The following FLVCR2 variants were observed in gnomAD, a reference collection of about 807,000 sequenced individuals.
FLVCR2 encodes FLVCR choline and putative heme transporter 2.
FLVCR2 carries 38 observed loss-of-function variants against 48.9 expected under a neutral mutation model. The observed-to-expected ratio is 0.78, with a 90% CI of 0.60 to 1.02. FLVCR2 has a LOEUF of 1.02. Among genes scored for constraint, FLVCR2 ranks in the 50% least tolerant of loss-of-function variants. FLVCR2 has a pLI of 0.00. For missense variants in FLVCR2, 664 were observed against 663.3 expected, an observed-to-expected ratio of 1.00 and a Z score of -0.01; for synonymous variants, 255 against 257.0, an observed-to-expected ratio of 0.99 and a Z score of 0.07.
intron 1 of FLVCR2, among the ~76,000 whole-genome samples, chr14:75,588,668 A>G (rs1299500670): frequency 6.6e-6 from 1 of 152,100 alleles, no homozygotes; most frequent in Admixed American, 6.6e-5. Context: ...TAGGAGAGAT[A>G]GGGTTTCACC....
At chr14:75,612,566 C>A (rs1049694286) in intron 1 of FLVCR2, among the ~76,000 whole-genome samples, 1 of 152,176 alleles carries the variant, frequency 6.6e-6, no homozygotes, top group Non-Finnish European at 1.5e-5. Flanking sequence ...TTGACCTTTT[C>A]AAAAGAAGCC....
chr14:75,631,640 T>C, intron 3 of FLVCR2: 1 of 395,822 alleles, frequency 2.5e-6, no homozygotes, highest in Non-Finnish European at 5.0e-6. Context: ...GTTGGAACAT[T>C]CCTTGCCCTT....
intron 1 of FLVCR2, chr14:75,604,173 G>A (rs1346780757): frequency 1.3e-5 from 2 of 152,160 alleles, no homozygotes; most frequent in South Asian, 2.1e-4. Flanking sequence ...GAATACTGTC[G>A]TCTACGGCCA....
chr14:75,602,562 TG>T (rs144966010), intron 1 of FLVCR2, among the ~76,000 whole-genome samples: 2,052 of 152,284 alleles, frequency 0.013, 43 homozygotes, highest in African/African-American at 0.047. Flanking sequence ...CAAGGATTTT[TG>T]TAGCTCTGTA....
Position 75,578,986 on chromosome 14 carries a change from G to A in FLVCR2, c.14G>A (p.Gly5Asp). Residue 5 changes from glycine (G) to aspartate (D), a missense_variant, in exon 1 of 10, where the codon GGT (glycine) becomes GAT (aspartate). Transcript: ENST00000238667. MVNEGPNQEESDDTP... is the reference protein window; with the variant it reads MVNEDPNQEESDDTP... ...GAGACTGTGGCGATGGTGAATGAAG[G>A]TCCCAACCAGGAAGAGAGCGATGAC... 3 of 1,614,108 alleles carry A rather than the reference G, an allele frequency of 1.9e-6. No individual in the cohort carries two copies. Among genetic ancestry groups the A allele is most frequent in the Non-Finnish European group, 2.5e-6 (3 of 1,179,984 alleles).
chr14:75,591,289 C>T (rs1350280895), intron 1 of FLVCR2, among the ~76,000 whole-genome samples: 1 of 152,214 alleles, frequency 6.6e-6, no homozygotes, highest in African/African-American at 2.4e-5. Context: ...GTGATCCTAC[C>T]ACCTTGGCCT....
intron 5 of FLVCR2, among the ~76,000 whole-genome samples, chr14:75,636,958 G>C (rs1447587061): frequency 6.6e-6 from 1 of 152,250 alleles, no homozygotes; most frequent in Non-Finnish European, 1.5e-5. Flanking sequence ...GCTTTCAGCA[G>C]AGTTGGTAGG....
intron 9 of FLVCR2, 130 bp from the exon 10 acceptor site, chr14:75,646,271 C>T: frequency 1.4e-6 from 1 of 697,306 alleles, no homozygotes; most frequent in Non-Finnish European, 2.6e-6. Flanking sequence ...TCTTTCTTGG[C>T]TCTCTGGGAT....
intron 3 of FLVCR2, chr14:75,632,827 G>T (rs1890078263): frequency 1.4e-6 from 1 of 702,260 alleles, no homozygotes; most frequent in Non-Finnish European, 2.6e-6. Context: ...TCTCTAAAAT[G>T]GTGACGATAA....
chr14:75,625,847 G>A (rs1889888887), intron 3 of FLVCR2, among the ~76,000 whole-genome samples: 1 of 152,078 alleles, frequency 6.6e-6, no homozygotes, highest in East Asian at 1.9e-4. Context: ...CCTATGTGAT[G>A]TTGGTACTAA....
intron 1 of FLVCR2, among the ~76,000 whole-genome samples, chr14:75,585,380 T>C (rs138655175): frequency 5.3e-5 from 8 of 152,176 alleles, no homozygotes; most frequent in Admixed American, 1.3e-4. Context: ...CAAGTTTGTA[T>C]TGGGGCCAAG....
intron 1 of FLVCR2, among the ~76,000 whole-genome samples, chr14:75,590,496 T>TG (rs1888855069): frequency 6.6e-6 from 1 of 152,244 alleles, no homozygotes; most frequent in Non-Finnish European, 1.5e-5. Context: ...TGATATGGTT[T>TG]GGGTCTGTGT....
rs564746565 is a variant in FLVCR2 at position 75,647,802 on chromosome 14, A to C, written c.*1330A>C. On this transcript the variant is annotated 3_prime_UTR_variant, in exon 10 of 10. Coordinates refer to ENST00000238667, the MANE Select transcript of FLVCR2 (RefSeq NM_017791.3). ...CTCCAGCCACTGCCCTGGCCTCAGC[A>C]TATCAGGGCAGCCTGTGCTGGCTGC... is the stretch of plus-strand genomic sequence containing the variant. The C allele has an allele frequency of 6.5e-6, 1 of 152,812 alleles. No homozygotes were observed. Among genetic ancestry groups the C allele is most frequent in the African/African-American group, 2.4e-5 (1 of 41,570 alleles). The allele number at this position is 152,812 out of a possible 1,614,324, so 9.5% of individuals were successfully genotyped here.
At chr14:75,597,798 G>A (rs540696043) in intron 1 of FLVCR2, among the ~76,000 whole-genome samples, 5 of 152,158 alleles carry the variant, frequency 3.3e-5, no homozygotes, top group Non-Finnish European at 5.9e-5. Context: ...TTGAACTCGC[G>A]ACCTCAGGTG....
At chr14:75,583,212 G>A (rs1259293890) in intron 1 of FLVCR2, among the ~76,000 whole-genome samples, 7 of 152,152 alleles carry the variant, frequency 4.6e-5, no homozygotes, top group Non-Finnish European at 1.0e-4. Context: ...GGATAGGAGA[G>A]TATATGGCTT....
At chr14:75,625,991 G>T (rs533672654) in intron 3 of FLVCR2, among the ~76,000 whole-genome samples, 15 of 151,912 alleles carry the variant, frequency 9.9e-5, no homozygotes, top group Non-Finnish European at 1.8e-4. Context: ...TCATTCTTTT[G>T]CTTTTTTTCT....
chr14:75,618,442 TAA>T (rs1889671046), intron 1 of FLVCR2, among the ~76,000 whole-genome samples: 1 of 152,258 alleles, frequency 6.6e-6, no homozygotes, highest in Admixed American at 6.5e-5. Flanking sequence ...CCAGAAGAGC[TAA>T]GACTATGACT....
chr14:75,625,223 T>C (rs1770157076), intron 3 of FLVCR2, among the ~76,000 whole-genome samples: 2 of 149,716 alleles, frequency 1.3e-5, no homozygotes, highest in Non-Finnish European at 2.9e-5. Flanking sequence ...AATTAATTAA[T>C]GCATGCATGC....
intron 1 of FLVCR2, chr14:75,596,118 G>T: frequency 2.2e-6 from 2 of 912,896 alleles, no homozygotes; most frequent in South Asian, 2.6e-5. Context: ...TGCCTTCCCA[G>T]GGTGAAGGAT....
Sources: gnomAD v4.1 joint callset for allele counts (sites outside exome capture counted in the v4.1 genomes callset) on GRCh38, gnomAD v4.1.1 for gene constraint, MANE v1.5 for transcripts, NCBI Gene and HGNC (gene_info 2026-07-23, HGNC 2026-07-21) for gene names.